RALGAPB: variants seen among roughly 807,000 people sequenced by gnomAD.
RALGAPB encodes the protein Ral GTPase activating protein non-catalytic subunit beta.
Under a neutral mutation model 161.1 loss-of-function variants are expected in RALGAPB, and 25 were observed. That is an observed-to-expected ratio of 0.16 (90% confidence interval 0.11 to 0.22). The LOEUF (loss-of-function observed/expected upper bound fraction) is 0.22, where lower values mean the gene tolerates loss of function less well. Among genes scored for constraint, RALGAPB ranks in the 10% least tolerant of loss-of-function variants. The pLI, the probability that RALGAPB is intolerant of heterozygous loss-of-function variation, is 1.00. For synonymous variants in RALGAPB, 629 were observed against 626.1 expected, an observed-to-expected ratio of 1.00 and a Z score of -0.07; for missense variants, 1,391 against 1,815.2, an observed-to-expected ratio of 0.77 and a Z score of 4.25.
intron 7 of RALGAPB, among the ~76,000 whole-genome samples, chr20:38,517,072 G>A (rs1329048161): frequency 1.3e-5 from 2 of 152,156 alleles, no homozygotes; most frequent in African/African-American, 4.8e-5. Flanking sequence ...CACCAGCAGG[G>A]ATCCAAGGCC....
chr20:38,473,230 G>C (rs1029365544), intron 1 of RALGAPB, among the ~76,000 whole-genome samples, 161 bp downstream of exon 1: 11 of 152,184 alleles, frequency 7.2e-5, no homozygotes, highest in Middle Eastern at 3.2e-3. Context: ...GAGACCCACG[G>C]GGGCGGGGAA....
intron 7 of RALGAPB, among the ~76,000 whole-genome samples, chr20:38,517,042 A>C (rs2086147561): frequency 6.6e-6 from 1 of 152,234 alleles, no homozygotes. Context: ...ATCTAGGGCT[A>C]GGCAGTGTAA....
In RALGAPB at chr20:38,562,549, G is replaced by A. The variant is rs776397240; in HGVS notation, c.3549G>A (p.Glu1183=). Residue 1183 remains glutamate, a synonymous_variant, in exon 24 of 30, where the codon GAG becomes GAA. Coordinates refer to ENST00000262879, the MANE Select transcript of RALGAPB (RefSeq NM_020336.4). ...KTNQEILKNV[E]SSRTVQPHFL... ...TATTTCAGATTTTAAAGAATGTGGA[G>A]TCTTCCAGAACTGTTCAGCCACATT... 19 of 1,604,174 alleles carry A rather than the reference G, an allele frequency of 1.2e-5. No individual in the cohort carries two copies. The highest frequency in any genetic ancestry group is 1.6e-5 in the Non-Finnish European group (19 of 1,175,380).
intron 4 of RALGAPB, among the ~76,000 whole-genome samples, chr20:38,498,249 A>G (rs1040350423): frequency 1.3e-5 from 2 of 152,204 alleles, no homozygotes; most frequent in East Asian, 1.9e-4. Context: ...CCAGTTTGCT[A>G]TTCATTAGCT....
chr20:38,563,711 C>G (rs146034097), intron 24 of RALGAPB, among the ~76,000 whole-genome samples: 1 of 152,140 alleles, frequency 6.6e-6, no homozygotes, highest in Admixed American at 6.5e-5. Flanking sequence ...TATCAGAAAA[C>G]GTGACCCAAA....
chr20:38,574,652 G>A lies in RALGAPB; in HGVS notation c.4292-122G>A, dbSNP rs1456520721. On this transcript the variant is annotated intron_variant, in intron 29 of 29. Transcript: ENST00000262879. ...ACTATGTCTATCTCTCTGGGGATGG[G>A]AAGTTTGCAAATTGAATGAAATAGT... 10 of 981,176 alleles carry A rather than the reference G, an allele frequency of 1.0e-5. No homozygotes were observed. The Admixed American group carries it at 1.3e-4, about 13-fold the overall frequency. 60.8% of individuals were successfully genotyped at this position (981,176 alleles called of 1,614,324 possible).
chr20:38,546,163 G>C, intron 18 of RALGAPB, 80 bp from the exon 19 acceptor site: 1 of 1,593,364 alleles, frequency 6.3e-7, no homozygotes, highest in African/African-American at 1.3e-5. Flanking sequence ...TCAGAAGAGT[G>C]GAAGGGGACA....
At chr20:38,528,843 G>A (rs968109197) in intron 13 of RALGAPB, among the ~76,000 whole-genome samples, 2 of 152,052 alleles carry the variant, frequency 1.3e-5, no homozygotes, top group African/African-American at 4.8e-5. Context: ...ACCACGCCCA[G>A]CTAATTTTTG....
At chr20:38,512,945 A>G (rs1161362126) in intron 6 of RALGAPB, among the ~76,000 whole-genome samples, 1 of 152,026 alleles carries the variant, frequency 6.6e-6, no homozygotes, top group Non-Finnish European at 1.5e-5. Flanking sequence ...ATTTTTTAGT[A>G]GAGACGGGGT....
chr20:38,560,079 T>A (rs912206903), intron 23 of RALGAPB, among the ~76,000 whole-genome samples: 1 of 151,856 alleles, frequency 6.6e-6, no homozygotes, highest in African/African-American at 2.4e-5. Flanking sequence ...TGTGAGCTCC[T>A]AGAAAAGAAC....
Position 38,488,606 on chromosome 20 carries a change from A to C in RALGAPB, c.174A>C (p.Lys58Asn). Reference sequence around the variant, plus strand: ...TGGCTGGTAGTGAGAATTTGTTAAAAACTGACAAAGAAGTAAGTGTTTCTA... The same window carrying C: ...TGGCTGGTAGTGAGAATTTGTTAAACACTGACAAAGAAGTAAGTGTTTCTA... ...PSVAGSENLL[K>N]TDKEVKWTME... The change falls in exon 2 of 30, where the codon AAA becomes AAC. Residue 58 changes from lysine (K) to asparagine (N), a missense_variant. Around this residue, in one of 3 missense-constraint regions of RALGAPB, gnomAD observed 946 missense variants for 1,257.2 expected, o/e 0.75. Coordinates refer to ENST00000262879, the MANE Select transcript of RALGAPB (RefSeq NM_020336.4). The C allele has an allele frequency of 6.2e-7, 1 of 1,611,538 alleles. No individual in the cohort carries two copies. The highest frequency in any genetic ancestry group is 8.5e-7 in the Non-Finnish European group (1 of 1,178,664).
chr20:38,530,911 T>C (rs951130840), intron 13 of RALGAPB, among the ~76,000 whole-genome samples: 1 of 150,334 alleles, frequency 6.7e-6, no homozygotes, highest in Non-Finnish European at 1.5e-5. Flanking sequence ...TTTTTTAATA[T>C]TTCTAGGCTA....
chr20:38,522,561 G>C (rs1381097095), intron 10 of RALGAPB, among the ~76,000 whole-genome samples: 1 of 152,050 alleles, frequency 6.6e-6, no homozygotes, highest in Non-Finnish European at 1.5e-5. Flanking sequence ...TTCCTTAACT[G>C]ATCATTCACA....
At chr20:38,489,865 C>T (rs1209233675) in intron 2 of RALGAPB, among the ~76,000 whole-genome samples, 1 of 152,164 alleles carries the variant, frequency 6.6e-6, no homozygotes, top group Non-Finnish European at 1.5e-5. Context: ...TAGTGTTTCT[C>T]TTCCTGGTGC....
At chr20:38,480,940 C>T (rs931224041) in intron 1 of RALGAPB, among the ~76,000 whole-genome samples, 3 of 151,422 alleles carry the variant, frequency 2.0e-5, no homozygotes, top group Non-Finnish European at 4.4e-5. Flanking sequence ...CGGGGTTTCA[C>T]CGTGTTAGGA....
intron 5 of RALGAPB, among the ~76,000 whole-genome samples, chr20:38,503,405 C>T (rs1182485514): frequency 6.6e-6 from 1 of 152,110 alleles, no homozygotes; most frequent in Non-Finnish European, 1.5e-5. Flanking sequence ...AAGTTGATTC[C>T]AACCCTAATG....
Position 38,574,797 on chromosome 20 carries a change from A to C in RALGAPB, c.4315A>C (p.Ile1439Leu). ...ALGFLVRQTVINICRRKRLES... is the reference protein window; with the variant it reads ...ALGFLVRQTVLNICRRKRLES... ...AGGCTTTCTGGTGAGGCAGACTGTA[A>C]TTAACATTTGTAGAAGAAAGAGACT... Residue 1439 changes from isoleucine to leucine, a missense_variant, in exon 30 of 30, where the codon ATT becomes CTT. By Grantham distance (5) the Ile-to-Leu change is conservative. Transcript: ENST00000262879. The C allele has an allele frequency of 6.2e-7, 1 of 1,614,050 alleles. No individual in the cohort carries two copies. Among genetic ancestry groups the C allele is most frequent in the Non-Finnish European group, 8.5e-7 (1 of 1,179,890 alleles).
At position 38,517,421 on chromosome 20, in the gene RALGAPB, T is replaced by C; in HGVS notation, c.1052-85T>C. 6 of 1,375,474 alleles carry C rather than the reference T, an allele frequency of 4.4e-6. No individual in the cohort carries two copies. The South Asian group carries it at 7.3e-5, about 17-fold the overall frequency. 85.2% of individuals were successfully genotyped at this position (1,375,474 alleles called of 1,614,324 possible). On this transcript the variant is annotated intron_variant, in intron 7 of 29. Transcript: ENST00000262879. ...TGCTATAGTCTATGTGTCCCAAGCC[T>C]TCACTAGGTTACTGGGAGAAATTTT...
intron 20 of RALGAPB, among the ~76,000 whole-genome samples, chr20:38,550,581 C>T (rs1601024438): frequency 6.6e-6 from 1 of 152,182 alleles, no homozygotes; most frequent in South Asian, 2.1e-4. Context: ...TACCCATATA[C>T]ATATTAAAGC....
Sources: allele counts gnomAD v4.1 joint callset (sites outside exome capture counted in the v4.1 genomes callset), GRCh38; gene constraint gnomAD v4.1.1; regional missense constraint gnomAD v4.1.1; transcripts MANE v1.5; gene names NCBI Gene and HGNC (gene_info 2026-07-23, HGNC 2026-07-21).